CACNB4: variants seen among roughly 807,000 people sequenced by gnomAD.
CACNB4 encodes the protein calcium voltage-gated channel auxiliary subunit beta 4.
A neutral mutation model predicts 71.2 loss-of-function variants in CACNB4; 32 were observed. The ratio of observed to expected loss-of-function variants is 0.45; its 90% confidence interval spans 0.34 to 0.60. The LOEUF is 0.60. CACNB4 is among the 20% of genes least tolerant of loss of function. CACNB4 has a pLI of 0.01. For synonymous variants in CACNB4, 231 were observed against 236.9 expected, an observed-to-expected ratio of 0.97 and a Z score of 0.23; for missense variants, 464 against 647.9, an observed-to-expected ratio of 0.72 and a Z score of 3.08.
At chr2:151,957,557 G>A (rs1315212446) in intron 2 of CACNB4, among the ~76,000 whole-genome samples, 2 of 152,124 alleles carry the variant, frequency 1.3e-5, no homozygotes, top group Non-Finnish European at 1.5e-5. Context: ...GAAGCTAAAA[G>A]AACAGGGAAA....
chr2:151,955,281 T>G (rs2099867962), intron 2 of CACNB4, among the ~76,000 whole-genome samples: 1 of 152,220 alleles, frequency 6.6e-6, no homozygotes, highest in African/African-American at 2.4e-5. Context: ...ACTGAGAACA[T>G]CAATATCATA....
At chr2:151,855,089 C>T in intron 11 of CACNB4, 135 bp downstream of exon 11, 1 of 530,164 alleles carries the variant, frequency 1.9e-6, no homozygotes, top group Non-Finnish European at 3.3e-6. Flanking sequence ...AATCTGTACA[C>T]TGTGGAAAGA....
intron 2 of CACNB4, among the ~76,000 whole-genome samples, chr2:151,944,664 C>T (rs113515567): frequency 0.018 from 2,784 of 152,162 alleles, 100 homozygotes; most frequent in African/African-American, 0.062. Context: ...TCATGGCACA[C>T]GCCTGTAATC....
intron 3 of CACNB4, 129 bp downstream of exon 3, chr2:151,883,122 T>G: frequency 1.1e-6 from 1 of 924,014 alleles, no homozygotes; most frequent in South Asian, 1.5e-5. Context: ...ATCAGAGAGC[T>G]TCCCAATCTG....
At chr2:151,879,972 G>A (rs1279748746) in intron 4 of CACNB4, 1 of 152,126 alleles carries the variant, frequency 6.6e-6, no homozygotes, top group Non-Finnish European at 1.5e-5. Flanking sequence ...ATATGGCTTG[G>A]GCATTTTTGA....
chr2:152,098,522 C>A lies in CACNB4; in HGVS notation c.64-109G>T. 1 of 1,360,778 alleles carries A rather than the reference C, an allele frequency of 7.3e-7. No individual in the cohort carries two copies. Among genetic ancestry groups the A allele is most frequent in the Admixed American group, 1.8e-5 (1 of 56,382 alleles). 84.3% of individuals were successfully genotyped at this position (1,360,778 alleles called of 1,614,324 possible). On this transcript the variant is annotated intron_variant, in intron 1 of 13. Coordinates refer to ENST00000539935, the MANE Select transcript of CACNB4 (RefSeq NM_000726.5). The surrounding 1 kb of genome is among the most constrained non-coding windows in gnomAD (Gnocchi z 5.3). ...CTCCGGACCCGCTCCCTGGGGTCCC[C>A]TAGAGCCCGCACCCAAGTCTCCTCC...
At chr2:151,888,441 C>T (rs560809113) in intron 2 of CACNB4, among the ~76,000 whole-genome samples, 33 of 152,060 alleles carry the variant, frequency 2.2e-4, no homozygotes, top group Non-Finnish European at 4.3e-4. Flanking sequence ...ATAGTGTGTA[C>T]TTATAGCCCC....
At chr2:151,891,766 T>C (rs1362433344) in intron 2 of CACNB4, among the ~76,000 whole-genome samples, 2 of 152,198 alleles carry the variant, frequency 1.3e-5, no homozygotes, top group Admixed American at 1.3e-4. Flanking sequence ...GAGCTCACTT[T>C]CCTTCTGGGA....
rs910773436 is a variant in CACNB4, at chr2:152,017,703, G to A, written c.147+80627C>T. 5.3e-5 allele frequency among the ~76,000 whole-genome samples: 8 copies of A among 149,906 alleles called. No homozygotes were observed. In the East Asian group the frequency reaches 5.9e-4, roughly 11 times the overall value. On this transcript the variant is annotated intron_variant, in intron 2 of 13. Coordinates refer to ENST00000539935, the MANE Select transcript of CACNB4 (RefSeq NM_000726.5). ...AGCCTGAGTGACAGAGTGAGACTCC[G>A]TCTCAACAACAAAAAAAAAAAGAGA...
At chr2:151,981,429 C>T (rs937966017) in intron 2 of CACNB4, among the ~76,000 whole-genome samples, 1 of 152,088 alleles carries the variant, frequency 6.6e-6, no homozygotes, top group African/African-American at 2.4e-5. Flanking sequence ...ATTTCAGAGC[C>T]GCTGCAGATT....
chr2:151,958,325 C>T (rs772934627), intron 2 of CACNB4, among the ~76,000 whole-genome samples: 5 of 152,078 alleles, frequency 3.3e-5, no homozygotes, highest in Non-Finnish European at 7.4e-5. Flanking sequence ...GAGCCATAAC[C>T]GATTATTTGG....
chr2:152,037,889 C>G (rs906624306), intron 2 of CACNB4, among the ~76,000 whole-genome samples: 25 of 152,294 alleles, frequency 1.6e-4, no homozygotes, highest in Admixed American at 1.2e-3. Flanking sequence ...AGCTGCTCAC[C>G]AACTGCTACA....
intron 2 of CACNB4, among the ~76,000 whole-genome samples, chr2:151,977,568 T>C (rs146078517): frequency 1.5e-4 from 23 of 152,330 alleles, no homozygotes; most frequent in African/African-American, 5.3e-4. Context: ...GACAGGTATT[T>C]CTGTTTTCCA....
intron 9 of CACNB4, among the ~76,000 whole-genome samples, chr2:151,863,260 T>G (rs2099842222): frequency 6.6e-6 from 1 of 152,076 alleles, no homozygotes; most frequent in African/African-American, 2.4e-5. Context: ...CAGATGAGGT[T>G]TCACCACATT....
chr2:151,959,400 A>G (rs768644263), intron 2 of CACNB4, among the ~76,000 whole-genome samples: 1 of 152,204 alleles, frequency 6.6e-6, no homozygotes, highest in Non-Finnish European at 1.5e-5. Flanking sequence ...AAGGTGTCCC[A>G]TGCGTACCCT....
intron 11 of CACNB4, 60 bp from the exon 12 acceptor site, chr2:151,853,603 G>A: frequency 1.1e-6 from 1 of 937,178 alleles, no homozygotes; most frequent in Non-Finnish European, 1.6e-6. Context: ...AATCAAATAA[G>A]CCAGGATCTT....
chr2:152,037,665 A>G (rs946573578), intron 2 of CACNB4, among the ~76,000 whole-genome samples: 7 of 152,236 alleles, frequency 4.6e-5, no homozygotes, highest in African/African-American at 1.7e-4. Flanking sequence ...ATCCCCTCTC[A>G]GGTGAAGGCA....
intron 2 of CACNB4, among the ~76,000 whole-genome samples, chr2:151,961,794 G>A (rs2099869718): frequency 6.6e-6 from 1 of 152,132 alleles, no homozygotes; most frequent in Admixed American, 6.5e-5. Flanking sequence ...AAGAGAATGA[G>A]GTGGGAGGAT....
intron 2 of CACNB4, among the ~76,000 whole-genome samples, chr2:152,093,595 T>A (rs1688105589): frequency 6.6e-6 from 1 of 152,216 alleles, no homozygotes; most frequent in Non-Finnish European, 1.5e-5. Context: ...TTAGGAGAGC[T>A]GTGGCTTCAG....
Sources: allele counts gnomAD v4.1 joint callset (sites outside exome capture counted in the v4.1 genomes callset), GRCh38; gene constraint gnomAD v4.1.1; non-coding constraint Gnocchi (gnomAD v3.1); transcripts MANE v1.5; gene names NCBI Gene and HGNC (gene_info 2026-07-23, HGNC 2026-07-21).